TMIGD2: variants seen among roughly 807,000 people sequenced by gnomAD.
TMIGD2 encodes the protein transmembrane and immunoglobulin domain containing 2, also known as transmembrane and immunoglobulin domain-containing protein 2.
A neutral mutation model predicts 22.6 loss-of-function variants in TMIGD2; 18 were observed. That is an observed-to-expected ratio of 0.80 (90% CI 0.55 to 1.18). The LOEUF (loss-of-function observed/expected upper bound fraction) is 1.18, where lower values mean the gene tolerates loss of function less well. Ranked by LOEUF, TMIGD2 falls within the 50% of genes most tolerant of loss-of-function variation. The pLI, the probability that TMIGD2 is intolerant of heterozygous loss-of-function variation, is 0.00. For synonymous variants in TMIGD2, 184 were observed against 154.1 expected, an observed-to-expected ratio of 1.19 and a Z score of -1.44; for missense variants, 361 against 378.2, an observed-to-expected ratio of 0.95 and a Z score of 0.38.
chr19:4,295,387 C>T (rs1971449218), intron 2 of TMIGD2, among the ~76,000 whole-genome samples: 1 of 151,584 alleles, frequency 6.6e-6, no homozygotes, highest in African/African-American at 2.4e-5. Flanking sequence ...AGTGAAACCC[C>T]GTCTCTACTA....
At chr19:4,297,436 C>T (rs1252607469) in intron 2 of TMIGD2, among the ~76,000 whole-genome samples, 1 of 152,180 alleles carries the variant, frequency 6.6e-6, no homozygotes, top group Non-Finnish European at 1.5e-5. Context: ...GTGGTGCACT[C>T]ATAGCTCACT....
chr19:4,297,611 CT>C (rs1460698021), intron 2 of TMIGD2, among the ~76,000 whole-genome samples: 1 of 152,168 alleles, frequency 6.6e-6, no homozygotes, highest in Non-Finnish European at 1.5e-5. Context: ...AATCCCAGTA[CT>C]TTGGGAGGCT....
At chr19:4,294,130 C>A (rs917579912) in intron 4 of TMIGD2, among the ~76,000 whole-genome samples, 1 of 149,968 alleles carries the variant, frequency 6.7e-6, no homozygotes, top group Non-Finnish European at 1.5e-5. Context: ...TTCAGTGGCG[C>A]GATCTTGGCT....
chr19:4,297,606 C>T (rs189109719), intron 2 of TMIGD2, among the ~76,000 whole-genome samples: 1 of 152,268 alleles, frequency 6.6e-6, no homozygotes, highest in East Asian at 1.9e-4. Context: ...CCTGTAATCC[C>T]AGTACTTTGG....
At chr19:4,292,483 C>T (rs57181230) in exon 5 of TMIGD2, 96,366 of 1,082,382 alleles carry the variant, frequency 0.089, 4,852 homozygotes, top group East Asian at 0.18. Context: ...GTGTTCCACC[C>T]GCCTCGGCTT....
chr19:4,297,803 CG>C (rs1410632592), intron 2 of TMIGD2, among the ~76,000 whole-genome samples, 182 bp downstream of exon 2: 3 of 151,410 alleles, frequency 2.0e-5, no homozygotes, highest in Non-Finnish European at 4.4e-5. Context: ...TGCAGTGAGC[CG>C]AGATCGCGCC....
rs187086718 is a variant in TMIGD2 at position 4,295,388 on chromosome 19, G to A, written c.407-572C>T. Among the ~76,000 whole-genome samples, 502 of 151,054 alleles carry A rather than the reference G, an allele frequency of 3.3e-3. 4 individuals carry two copies. The highest frequency in any genetic ancestry group is 0.012 in the African/African-American group (479 of 41,118). On this transcript the variant is annotated intron_variant, in intron 2 of 4. Transcript: ENST00000301272. ...ATCCTGGCTAACACAGTGAAACCCC[G>A]TCTCTACTAAAAATACAAAAAATTA...
At chr19:4,297,928 G>C (rs12459030) in intron 2 of TMIGD2, 58 bp downstream of exon 2, 335,277 of 1,491,564 alleles carry the variant, frequency 0.22, 38,540 homozygotes, top group Admixed American at 0.27. Context: ...AGACTCAAAA[G>C]TCTTAAGATT....
chr19:4,292,844 C>G (rs28477168), exon 5 of TMIGD2: 311,996 of 1,613,184 alleles, frequency 0.19, 31,066 homozygotes, highest in Admixed American at 0.28. Context: ...TTCTTTGGGG[C>G]CCCCCGGGGC....
intron 1 of TMIGD2, among the ~76,000 whole-genome samples, chr19:4,300,462 C>T (rs1407447197): frequency 1.3e-5 from 2 of 151,770 alleles, no homozygotes; most frequent in African/African-American, 2.4e-5. Flanking sequence ...GAGGCTGAGG[C>T]GGGAGAATCA....
chr19:4,298,270 G>A, exon 2 of TMIGD2: 1 of 1,611,050 alleles, frequency 6.2e-7, no homozygotes, highest in Non-Finnish European at 8.5e-7. Context: ...GCAGACCAGG[G>A]TCGCCTGACT....
At chr19:4,294,601 G>A in exon 4 of TMIGD2, 1 of 1,611,112 alleles carries the variant, frequency 6.2e-7, no homozygotes, top group South Asian at 1.1e-5. Flanking sequence ...GCTGGCAGCT[G>A]CGGCGGCCCC....
At chr19:4,297,074 CTTTT>C (rs71166981) in intron 2 of TMIGD2, among the ~76,000 whole-genome samples, 2 of 105,232 alleles carry the variant, frequency 1.9e-5, no homozygotes, top group Non-Finnish European at 3.6e-5. Context: ...GAGTCTGTGG[CTTTT>C]TTTTTTTTTT....
rs78358817 is a variant in TMIGD2 at position 4,298,321 on chromosome 19, C to T, written c.71G>A (p.Ser24Asn). ...CAGCAAGTTGGGCCCCTGCTGCACG[C>T]TCAGGCTTGAGGCTTCTTGCAGGGC... Residue 24 changes from serine to asparagine, a missense_variant, in exon 2 of 5, where the codon AGC (serine) becomes AAC (asparagine). Coordinates refer to ENST00000301272, the Ensembl canonical transcript of TMIGD2. 8 of 1,591,670 alleles carry T rather than the reference C, an allele frequency of 5.0e-6. No homozygotes were observed. The East Asian group carries it at 1.8e-4, about 36-fold the overall frequency.
At chr19:4,294,454 G>T in intron 4 of TMIGD2, 125 bp downstream of exon 4, 2 of 891,904 alleles carry the variant, frequency 2.2e-6, no homozygotes, top group South Asian at 3.0e-5. Flanking sequence ...ATAGGAGCCA[G>T]GCTTCTCCTC....
intron 2 of TMIGD2, among the ~76,000 whole-genome samples, chr19:4,295,660 C>T (rs537162475): frequency 5.9e-5 from 9 of 152,110 alleles, no homozygotes; most frequent in African/African-American, 2.2e-4. Context: ...CCATCTTTAT[C>T]CTGGGATCTA....
chr19:4,294,470 A>C, intron 4 of TMIGD2, 109 bp downstream of exon 4: 2 of 1,054,732 alleles, frequency 1.9e-6, no homozygotes, highest in Non-Finnish European at 2.9e-6. Context: ...TCCTCCCTTC[A>C]TCCCTCCTCC....
chr19:4,294,701 T>G (rs1971437228), intron 3 of TMIGD2, 21 bp from the exon 4 acceptor site: 2 of 1,574,824 alleles, frequency 1.3e-6, no homozygotes, highest in Non-Finnish European at 1.7e-6. Context: ...GGAGAAGAGA[T>G]GGTCTAATCA....
chr19:4,295,377 A>G (rs1258094354), intron 2 of TMIGD2, among the ~76,000 whole-genome samples: 4 of 151,126 alleles, frequency 2.6e-5, no homozygotes, highest in East Asian at 2.0e-4. Context: ...TGGCTAACAC[A>G]GTGAAACCCC....
Sources: gnomAD v4.1 joint callset for allele counts (sites outside exome capture counted in the v4.1 genomes callset) on GRCh38, gnomAD v4.1.1 for gene constraint, MANE v1.5 for transcripts, NCBI Gene and HGNC (gene_info 2026-07-23, HGNC 2026-07-21) for gene names.